The following COL2A1 variants were observed in gnomAD, a reference collection of about 807,000 sequenced individuals.
COL2A1 encodes the protein collagen alpha-1(II) chain.
COL2A1 carries 28 observed loss-of-function variants against 204.5 expected under a neutral mutation model. That is an observed-to-expected ratio of 0.14 (90% CI 0.10 to 0.19). COL2A1 has a LOEUF of 0.19. Ranked by LOEUF, COL2A1 falls within the 10% of genes least tolerant of loss-of-function variation. The pLI is 1.00. For synonymous variants in COL2A1, 708 were observed against 718.7 expected, an observed-to-expected ratio of 0.99 and a Z score of 0.24; for missense variants, 1,388 against 2,027.5, an observed-to-expected ratio of 0.68 and a Z score of 6.06.
Position 47,984,597 on chromosome 12 carries a change from A to C in COL2A1, c.1836T>G (p.Gly612=). Residue 612 remains glycine (G), a splice_region_variant and synonymous_variant, in exon 28 of 54, where the codon GGT becomes GGG. Coordinates refer to ENST00000380518, the MANE Select transcript of COL2A1 (RefSeq NM_001844.5). ...MGFPGPKGAN[G]EPGKAGEKGL... Reference sequence around the variant, plus strand: ...CCTTCTCACCAGCTTTGCCAGGCTCACCCTGAAGGAAAGAGAGGGCAGGGC... The same window carrying C: ...CCTTCTCACCAGCTTTGCCAGGCTCCCCCTGAAGGAAAGAGAGGGCAGGGC... 6.2e-7 allele frequency: 1 copy of C among 1,614,040 alleles called. No homozygotes were observed. The highest frequency in any genetic ancestry group is 8.5e-7 in the Non-Finnish European group (1 of 1,179,938).
rs563282194 is a variant in COL2A1 at position 48,003,924 on chromosome 12, A to G, written c.85+313T>C. ...TGCGCCTAATTATCAAAGCTGGTGG[A>G]AAAGAGCCCATTTATATCTGTGCGC... On this transcript the variant is annotated intron_variant, in intron 1 of 53. Coordinates refer to ENST00000380518, the MANE Select transcript of COL2A1 (RefSeq NM_001844.5). Among the ~76,000 whole-genome samples, 3 of 152,332 alleles carry G rather than the reference A, an allele frequency of 2.0e-5. No individual in the cohort carries two copies. In the South Asian group the frequency reaches 6.2e-4, roughly 32 times the overall value.
At position 48,000,076 on chromosome 12, in the gene COL2A1, A is replaced by T. The variant is rs375778172; in HGVS notation, c.135T>A (p.Asp45Glu). 6.2e-6 allele frequency: 10 copies of T among 1,613,468 alleles called. No homozygotes were observed. The Admixed American group carries it at 8.3e-5, about 13-fold the overall frequency. The stretch of plus-strand genomic sequence containing the variant: ...TCCGGCAGGGCTCCGGCTTCCACAC[A>T]TCCTTATCATTATACCTCTGCCCAT... ...VQDGQRYNDK[D>E]VWKPEPCRIC... Residue 45 changes from aspartate to glutamate, a missense_variant, in exon 2 of 54, where the codon GAT (aspartate) becomes GAA (glutamate). By Grantham distance (45) the Asp-to-Glu change is conservative (BLOSUM62 2). This residue lies in a region of COL2A1 where 201 missense variants were observed against 242.4 expected (regional missense o/e 0.83). Transcript: ENST00000380518.
At chr12:47,995,675 C>T in intron 10 of COL2A1, 35 bp downstream of exon 10, 1 of 1,604,654 alleles carries the variant, frequency 6.2e-7, no homozygotes. Context: ...TTAGAGGCTC[C>T]CCCAGAGAAG....
rs1357086851 is a variant in COL2A1, at chr12:47,976,368, C to T, written c.3489+146G>A. The T allele has an allele frequency of 1.8e-5, 16 of 902,450 alleles. No individual in the cohort carries two copies. The highest frequency in any genetic ancestry group is 3.2e-4 in the Middle Eastern group (1 of 3,140). The allele number at this position is 902,450 out of a possible 1,614,324, so 55.9% of individuals were successfully genotyped here. ...CCTCAGGCGCTTTTCTGGCCATAGG[C>T]ACATGAGCCAGTCCTGCCCCCATTA... On this transcript the variant is annotated intron_variant, in intron 49 of 53. Coordinates refer to ENST00000380518, the MANE Select transcript of COL2A1 (RefSeq NM_001844.5). This position sits in a 1 kb window ranked among gnomAD's most constrained non-coding sequence, Gnocchi z 4.3.
rs1938650609 is a variant in COL2A1, at chr12:47,975,400, C to G, written c.3803G>C (p.Ser1268Thr). The G allele has an allele frequency of 3.7e-6, 6 of 1,614,214 alleles. No homozygotes were observed. The highest frequency in any genetic ancestry group is 3.4e-6 in the Non-Finnish European group (4 of 1,180,036). The change falls in exon 51 of 54, where the codon AGC becomes ACC. Residue 1268 changes from serine (S) to threonine (T), a missense_variant. Physicochemically the swap from Ser to Thr is moderately conservative, Grantham distance 58 (BLOSUM62 1). Transcript: ENST00000380518. Reference sequence around the variant, plus strand: ...GCGGGAGCCCTCGGGGCTGCGGATGCTCTCAATCTGGTTGTTGAGGGACTT... The same window carrying G: ...GCGGGAGCCCTCGGGGCTGCGGATGGTCTCAATCTGGTTGTTGAGGGACTT... ...TLKSLNNQIE[S>T]IRSPEGSRKN...
chr12:47,981,437 G>A, intron 36 of COL2A1, 41 bp from the exon 37 acceptor site: 2 of 1,581,344 alleles, frequency 1.3e-6, no homozygotes, highest in Non-Finnish European at 1.7e-6. Context: ...GTAAGAAGGT[G>A]GGGAGGCAGA....
At chr12:47,993,630 A>G (rs1939809969) in intron 14 of COL2A1, 128 bp from the exon 15 acceptor site, 1 of 1,089,522 alleles carries the variant, frequency 9.2e-7, no homozygotes, top group Middle Eastern at 2.7e-4. Flanking sequence ...CCTGTGAGGG[A>G]CAATGCCCTG....
At chr12:47,997,567 G>A in intron 7 of COL2A1, 39 bp downstream of exon 7, 3 of 1,613,740 alleles carry the variant, frequency 1.9e-6, no homozygotes, top group Non-Finnish European at 2.5e-6. Context: ...CACATTTCTG[G>A]AGGGACAGCC....
chr12:47,983,602 C>T, intron 30 of COL2A1, 81 bp downstream of exon 30: 1 of 1,508,140 alleles, frequency 6.6e-7, no homozygotes, highest in Non-Finnish European at 9.1e-7. Context: ...TGTGGGCCCT[C>T]CACCGATAGT....
In COL2A1 at chr12:47,983,086, T is replaced by C. The variant is rs17801742; in HGVS notation, c.2094+7A>G. 0.061 allele frequency: 98,489 copies of C among 1,613,540 alleles called. 3,471 individuals carry two copies. The highest frequency in any genetic ancestry group is 0.072 in the Non-Finnish European group (85,137 of 1,179,680). ...AGGCAGCCCGCATTGGCCAACAGGA[T>C]ACTCACCCTGGGACCCACGAGGCCA... On this transcript the variant is annotated splice_region_variant and intron_variant, in intron 32 of 53. Coordinates refer to ENST00000380518, the MANE Select transcript of COL2A1 (RefSeq NM_001844.5).
chr12:47,987,777 A>T lies in COL2A1; in HGVS notation c.1123-68T>A. The T allele has an allele frequency of 8.0e-7, 1 of 1,256,762 alleles. No homozygotes were observed. Among genetic ancestry groups the T allele is most frequent in the Non-Finnish European group, 1.1e-6 (1 of 874,010 alleles). 77.9% of individuals were successfully genotyped at this position (1,256,762 alleles called of 1,614,324 possible). A position where few individuals can be genotyped will look rare whatever the true frequency, so the allele number is the denominator to read the frequency against. On this transcript the variant is annotated intron_variant, in intron 18 of 53. Transcript: ENST00000380518. This position sits in a 1 kb window ranked among gnomAD's most constrained non-coding sequence, Gnocchi z 4.1. ...GACACAGACCTCTAGTGGGTGGGCA[A>T]TAGCTCAGGGCCAGCTGCAAGCACA...
intron 37 of COL2A1, 35 bp downstream of exon 37, chr12:47,981,308 C>A (rs755370016): frequency 1.2e-6 from 2 of 1,606,522 alleles, no homozygotes; most frequent in African/African-American, 2.7e-5. Flanking sequence ...CCAGGGGCCT[C>A]GGGCAGAGCC....
At chr12:47,997,809 T>G in intron 6 of COL2A1, 62 bp downstream of exon 6, 1 of 1,612,220 alleles carries the variant, frequency 6.2e-7, no homozygotes, top group Admixed American at 1.7e-5. Flanking sequence ...CTTAAACACA[T>G]GGTGGGGCCT....
intron 16 of COL2A1, among the ~76,000 whole-genome samples, chr12:47,991,878 G>A (rs1213537165): frequency 1.3e-5 from 2 of 152,136 alleles, no homozygotes; most frequent in African/African-American, 4.8e-5. Flanking sequence ...CTGGGGCAAG[G>A]CACTTCAGCA....
intron 3 of COL2A1, 62 bp from the exon 4 acceptor site, chr12:47,998,263 C>G: frequency 6.2e-7 from 1 of 1,605,022 alleles, no homozygotes; most frequent in South Asian, 1.1e-5. Flanking sequence ...TAGTCTAAAA[C>G]CCTGCCAGCA....
At chr12:47,998,461 A>G (rs749752665) in intron 2 of COL2A1, 30 bp from the exon 3 acceptor site, 1 of 1,608,034 alleles carries the variant, frequency 6.2e-7, no homozygotes, top group Non-Finnish European at 8.5e-7. Flanking sequence ...GAGAAGAAGA[A>G]GGTAAGAATC....
At position 47,987,063 on chromosome 12, in the gene COL2A1, A is replaced by C; in HGVS notation, c.1365+15T>G. The C allele has an allele frequency of 6.2e-7, 1 of 1,612,570 alleles. No homozygotes were observed. Among genetic ancestry groups the C allele is most frequent in the Non-Finnish European group, 8.5e-7 (1 of 1,178,578 alleles). The stretch of plus-strand genomic sequence containing the variant: ...GAGATGTCAGTGGAACTTGGGGGTC[A>C]CTTTGGGCTCTTACCGTCTGACCTT... On this transcript the variant is annotated intron_variant, in intron 21 of 53. Transcript: ENST00000380518. This position sits in a 1 kb window ranked among gnomAD's most constrained non-coding sequence, Gnocchi z 4.1.
In COL2A1 at chr12:47,985,523, GA is replaced by G; in HGVS notation, c.1734+10del. 1.2e-6 allele frequency: 2 copies of G among 1,613,664 alleles called. No homozygotes were observed. Among genetic ancestry groups the G allele is most frequent in the Non-Finnish European group, 8.5e-7 (1 of 1,179,714 alleles). On this transcript the variant is annotated intron_variant, in intron 26 of 53. Transcript: ENST00000380518. The stretch of plus-strand genomic sequence containing the variant: ...CCCACCCTCCTAGCAGCCCTCAGAG[GA>G]TAGACTTACAGAAGGGCCAACTTTG...
rs928430270 is a variant in COL2A1 at position 47,997,625 on chromosome 12, C to A, written c.512G>T (p.Gly171Val). 12 of 1,613,594 alleles carry A rather than the reference C, an allele frequency of 7.4e-6. No individual in the cohort carries two copies. Among genetic ancestry groups the A allele is most frequent in the Non-Finnish European group, 1.0e-5 (12 of 1,179,900 alleles). ...PGPPGPPGPP[G>V]PPGLGGNFAA... Reference sequence around the variant, plus strand: ...ACTTACTCCACCAAGACCAGGGGGACCAGGGGGGCCGGGAGGACCAGGGGG... The same window carrying A: ...ACTTACTCCACCAAGACCAGGGGGAACAGGGGGGCCGGGAGGACCAGGGGG... Residue 171 changes from glycine to valine, a missense_variant, in exon 7 of 54, where the codon GGT becomes GTT. By Grantham distance (109) the Gly-to-Val change is moderately radical. Transcript: ENST00000380518.
Sources: gnomAD v4.1 joint callset for allele counts (sites outside exome capture counted in the v4.1 genomes callset) on GRCh38, gnomAD v4.1.1 for gene constraint, gnomAD v4.1.1 regional missense constraint, Gnocchi (gnomAD v3.1) non-coding constraint, MANE v1.5 for transcripts, NCBI Gene and HGNC (gene_info 2026-07-23, HGNC 2026-07-21) for gene names.